Variants in MTMR8 observed in about 807,000 individuals in gnomAD.
MTMR8 encodes phosphatidylinositol-3,5-bisphosphate 3-phosphatase MTMR8.
MTMR8 carries 65 observed loss-of-function variants against 39.3 expected under a neutral mutation model. The observed-to-expected ratio is 1.65, with a 90% CI of 1.35 to 2.03. MTMR8 has a LOEUF of 2.03. Ranked by LOEUF, MTMR8 falls within the 30% of genes most tolerant of loss-of-function variation. The probability of loss-of-function intolerance (pLI) is 0.00; values close to 1 mark genes in which losing one functional copy is unlikely to be tolerated. For synonymous variants in MTMR8, 245 were observed against 185.2 expected (o/e 1.32, Z -2.62); for missense variants, 777 against 538.9 (o/e 1.44, Z -4.37).
At chrX:64,329,519 T>C (rs1922887783) in intron 11 of MTMR8, among the ~76,000 whole-genome samples, 1 of 111,555 alleles carries the variant, frequency 9.0e-6, no homozygotes, top group African/African-American at 3.3e-5. Flanking sequence ...AAATTGATTC[T>C]TATACTTTAG....
At chrX:64,361,197 A>T (rs1923770741) in intron 1 of MTMR8, among the ~76,000 whole-genome samples, 1 of 111,797 alleles carries the variant, frequency 8.9e-6, no homozygotes, top group Admixed American at 9.5e-5. Context: ...TGGCAATGGT[A>T]GTCAAAGATT....
At chrX:64,295,689 A>G (rs1921553132) in intron 12 of MTMR8, among the ~76,000 whole-genome samples, 1 of 112,063 alleles carries the variant, frequency 8.9e-6, no homozygotes, top group South Asian at 3.7e-4. Flanking sequence ...ACAAATGGAC[A>G]ATAAGCACAT....
chrX:64,276,663 A>G (rs1486272945), intron 12 of MTMR8, among the ~76,000 whole-genome samples: 2 of 111,419 alleles, frequency 1.8e-5, no homozygotes, highest in African/African-American at 6.5e-5. Flanking sequence ...TATGATTTCC[A>G]TTCTTTTGTA....
Position 64,328,875 on chromosome X carries a change from A to C in MTMR8, c.1378T>G (p.Trp460Gly). 8.4e-7 allele frequency: 1 copy of C among 1,194,120 alleles called. No homozygotes were observed. Among genetic ancestry groups the C allele is most frequent in the Non-Finnish European group, 1.1e-6 (1 of 890,356 alleles). The change falls in exon 12 of 14, where the codon TGG becomes GGG. Residue 460 changes from tryptophan to glycine, a missense_variant. Physicochemically the swap from Trp to Gly is radical, Grantham distance 184. Coordinates refer to ENST00000374852, the MANE Select transcript of MTMR8 (RefSeq NM_017677.4). ...LRVYEKTHSVWPFLVQRKPDF... is the reference protein window; with the variant it reads ...LRVYEKTHSVGPFLVQRKPDF... ...GGTTTCCTCTGAACCAAGAAAGGCC[A>C]CACAGAATGTGTTTTCTCATAGACT...
chrX:64,279,495 A>G (rs750908821), intron 12 of MTMR8, among the ~76,000 whole-genome samples: 12 of 112,133 alleles, frequency 1.1e-4, no homozygotes, highest in Admixed American at 2.8e-4. Flanking sequence ...ACACAAATGA[A>G]TGGAAAGACA....
chrX:64,268,763 A>G lies in MTMR8; in HGVS notation c.1889T>C (p.Ile630Thr). 1 of 1,211,733 alleles carries G rather than the reference A, an allele frequency of 8.3e-7. No individual in the cohort carries two copies. Among genetic ancestry groups the G allele is most frequent in the Non-Finnish European group, 1.1e-6 (1 of 895,524 alleles). The change falls in exon 14 of 14, where the codon ATC (isoleucine) becomes ACC (threonine). Residue 630 changes from isoleucine to threonine, a missense_variant. By Grantham distance (89) the Ile-to-Thr change is moderately conservative. Coordinates refer to ENST00000374852, the MANE Select transcript of MTMR8 (RefSeq NM_017677.4). ...TCCAGAGATGCCCATGGCCTCAGAG[A>G]TGCCCACATCCCCAGAGATATTTAT... is the stretch of plus-strand genomic sequence containing the variant. The part of the protein sequence containing the change: ...RAINISGDVG[I>T]SEAMGISGDM...
intron 12 of MTMR8, among the ~76,000 whole-genome samples, chrX:64,284,190 T>C (rs1921065750): frequency 8.9e-6 from 1 of 112,098 alleles, no homozygotes; most frequent in African/African-American, 3.3e-5. Flanking sequence ...CAAGCTTCAG[T>C]AGATGATTCG....
At chrX:64,321,829 T>A (rs1922654408) in intron 12 of MTMR8, among the ~76,000 whole-genome samples, 1 of 112,041 alleles carries the variant, frequency 8.9e-6, no homozygotes, top group African/African-American at 3.2e-5. Context: ...TTGAGGTACA[T>A]ACTTTCCATA....
chrX:64,278,459 GGTTTTTTTTTTTT>G (rs1176183331), intron 12 of MTMR8, among the ~76,000 whole-genome samples: 1 of 49,868 alleles, frequency 2.0e-5, no homozygotes, highest in African/African-American at 1.1e-4. Flanking sequence ...TTATTTTGCT[GGTTTTTTTTTTTT>G]TTTTTTTTTT....
chrX:64,289,557 A>C (rs1921324420), intron 12 of MTMR8, among the ~76,000 whole-genome samples: 1 of 102,278 alleles, frequency 9.8e-6, no homozygotes, highest in African/African-American at 3.6e-5. Context: ...GGATCACTTG[A>C]GCCCAGGAAT....
chrX:64,285,858 C>T (rs1180535631), intron 12 of MTMR8, among the ~76,000 whole-genome samples: 3 of 110,295 alleles, frequency 2.7e-5, no homozygotes, highest in Middle Eastern at 4.7e-3. Context: ...CACTAAATGC[C>T]CACAAGAGAA....
intron 12 of MTMR8, among the ~76,000 whole-genome samples, chrX:64,304,180 C>A (rs972457946): frequency 9.0e-6 from 1 of 111,509 alleles, no homozygotes; most frequent in Non-Finnish European, 1.9e-5. Flanking sequence ...CTTACAGGGG[C>A]GGGGAGGAAA....
rs1931746651 is a variant in MTMR8, at chrX:64,270,965, A to G, written c.1590T>C (p.Asp530=). ...IKKQRAMLET[D]VHELEKKLKV... is the part of the protein sequence containing the mutation. ...TCCTCACCTTTTCTAGTTCATGCAC[A>G]TCTGTCTCCAGCATTGCTCTCTGTT... The change falls in exon 13 of 14, where the codon GAT becomes GAC. Residue 530 remains aspartate (D), a synonymous_variant. Coordinates refer to ENST00000374852, the MANE Select transcript of MTMR8 (RefSeq NM_017677.4). 8.3e-7 allele frequency: 1 copy of G among 1,209,807 alleles called. No homozygotes were observed. The highest frequency in any genetic ancestry group is 3.0e-5 in the East Asian group (1 of 33,672).
intron 12 of MTMR8, among the ~76,000 whole-genome samples, chrX:64,311,940 T>C (rs978445448): frequency 6.8e-4 from 76 of 111,248 alleles, no homozygotes; most frequent in African/African-American, 2.5e-3. Flanking sequence ...GGTAGCGTGA[T>C]GCCTCCAGCT....
At chrX:64,383,774 C>T (rs1360671592) in intron 1 of MTMR8, among the ~76,000 whole-genome samples, 4 of 111,097 alleles carry the variant, frequency 3.6e-5, no homozygotes, top group South Asian at 3.8e-4. Flanking sequence ...TTCCCACCTC[C>T]AACACCAAAG....
intron 1 of MTMR8, among the ~76,000 whole-genome samples, chrX:64,377,396 C>T (rs917988666): frequency 3.6e-5 from 4 of 112,594 alleles, no homozygotes; most frequent in Admixed American, 9.4e-5. Flanking sequence ...CCCTGCAGAG[C>T]CAAAAGGCAA....
intron 12 of MTMR8, among the ~76,000 whole-genome samples, chrX:64,315,014 A>G (rs1193233425): frequency 9.0e-6 from 1 of 111,651 alleles, no homozygotes; most frequent in Non-Finnish European, 1.9e-5. Flanking sequence ...CAGGCCCACT[A>G]GTTCCCCTAA....
chrX:64,305,144 C>T, intron 12 of MTMR8: 1 of 204,136 alleles, frequency 4.9e-6, no homozygotes. Flanking sequence ...TCATCAATAT[C>T]ATTTGAAGAG....
intron 4 of MTMR8, among the ~76,000 whole-genome samples, chrX:64,354,380 C>T (rs770033406): frequency 3.6e-5 from 4 of 111,074 alleles, no homozygotes; most frequent in Non-Finnish European, 5.7e-5. Flanking sequence ...CTGATCTGAT[C>T]ATTACATATT....
Sources: gnomAD v4.1 joint callset for allele counts (sites outside exome capture counted in the v4.1 genomes callset) on GRCh38, gnomAD v4.1.1 for gene constraint, MANE v1.5 for transcripts, NCBI Gene and HGNC (gene_info 2026-07-23, HGNC 2026-07-21) for gene names.